The following CRTC1 variants were observed in gnomAD, a reference collection of about 807,000 sequenced individuals.
CRTC1 encodes CREB-regulated transcription coactivator 1.
A neutral mutation model predicts 66.1 loss-of-function variants in CRTC1; 18 were observed. That is an observed-to-expected ratio of 0.27 (90% CI 0.19 to 0.40). The LOEUF (loss-of-function observed/expected upper bound fraction) is 0.40, where lower values mean the gene tolerates loss of function less well. Among genes scored for constraint, CRTC1 ranks in the 10% least tolerant of loss-of-function variants. CRTC1 has a pLI of 1.00. For synonymous variants in CRTC1, 416 were observed against 398.8 expected, an observed-to-expected ratio of 1.04 and a Z score of -0.51; for missense variants, 669 against 887.9, an observed-to-expected ratio of 0.75 and a Z score of 3.13.
intron 1 of CRTC1, among the ~76,000 whole-genome samples, chr19:18,728,041 G>A (rs2145662308): frequency 6.6e-6 from 1 of 152,224 alleles, no homozygotes; most frequent in East Asian, 1.9e-4. Context: ...CTTACTTTCA[G>A]AGCCTCCAGA....
In CRTC1 at chr19:18,760,254, G is replaced by A; in HGVS notation, c.886+26G>A. ...GTAAGGCAGGGACACTCCGCCCTCGGACAGAGCACTGGCTTGTGGAGACAA... is the reference window on the plus strand; with the variant it reads ...GTAAGGCAGGGACACTCCGCCCTCGAACAGAGCACTGGCTTGTGGAGACAA... On this transcript the variant is annotated intron_variant, in intron 8 of 13. Coordinates refer to ENST00000321949, the MANE Select transcript of CRTC1 (RefSeq NM_015321.3). This position sits in a 1 kb window ranked among gnomAD's most constrained non-coding sequence, Gnocchi z 6.2. 6.5e-7 allele frequency: 1 copy of A among 1,534,954 alleles called. No homozygotes were observed. Among genetic ancestry groups the A allele is most frequent in the Non-Finnish European group, 8.8e-7 (1 of 1,133,254 alleles).
At chr19:18,698,068 ACTCAGCAGGTG>A (rs2053035288) in intron 1 of CRTC1, among the ~76,000 whole-genome samples, 1 of 151,304 alleles carries the variant, frequency 6.6e-6, no homozygotes, top group Non-Finnish European at 1.5e-5. Context: ...TGCAGTGTGT[ACTCAGCAGGTG>A]CTCGGCAGGC....
intron 1 of CRTC1, among the ~76,000 whole-genome samples, chr19:18,702,594 C>T (rs1161760200): frequency 6.9e-6 from 1 of 144,326 alleles, no homozygotes; most frequent in Non-Finnish European, 1.5e-5. Context: ...AGTGCAATGG[C>T]ACAATCTTGC....
In CRTC1 at chr19:18,683,687, AGGT is replaced by A; in HGVS notation, c.-13_-11del. On this transcript the variant is annotated 5_prime_UTR_variant, in exon 1 of 14. Transcript: ENST00000321949. ...GTGGAGGAGGAGGAGGAGGAGGAGGAGGTGGCGGCGAGAAGATGGCGACTTCGA... is the reference window on the plus strand; with the variant it reads ...GTGGAGGAGGAGGAGGAGGAGGAGGAGGCGGCGAGAAGATGGCGACTTCGA... The A allele has an allele frequency of 2.2e-6, 3 of 1,360,198 alleles. No individual in the cohort carries two copies. Among genetic ancestry groups the A allele is most frequent in the Non-Finnish European group, 2.9e-6 (3 of 1,028,338 alleles). 84.3% of individuals were successfully genotyped at this position (1,360,198 alleles called of 1,614,324 possible).
chr19:18,742,796 C>T, intron 1 of CRTC1, 114 bp from the exon 2 acceptor site: 1 of 754,466 alleles, frequency 1.3e-6, no homozygotes, highest in Non-Finnish European at 2.3e-6. Context: ...CTGCAAACTT[C>T]TGCACTTAGG....
chr19:18,716,157 G>T (rs1368665907), intron 1 of CRTC1, among the ~76,000 whole-genome samples: 1 of 152,104 alleles, frequency 6.6e-6, no homozygotes, highest in African/African-American at 2.4e-5. Context: ...GAGTGCAGCA[G>T]CCACAGCCCA....
chr19:18,745,986 G>A (rs2054226403), intron 3 of CRTC1, 26 bp downstream of exon 3: 1 of 1,592,092 alleles, frequency 6.3e-7, no homozygotes, highest in Admixed American at 1.7e-5. Context: ...GAGGATGAGG[G>A]TGGGGGCCAG....
At position 18,768,879 on chromosome 19, in the gene CRTC1, C is replaced by T. The variant is rs533118264; in HGVS notation, c.1320+86C>T. The stretch of plus-strand genomic sequence containing the variant: ...GGCTGCAGAACAGTCGGGTTACCTG[C>T]TGCATGGGCCAGGGGTCAGAACCCC... On this transcript the variant is annotated intron_variant, in intron 10 of 13. Coordinates refer to ENST00000321949, the MANE Select transcript of CRTC1 (RefSeq NM_015321.3). This position sits in a 1 kb window ranked among gnomAD's most constrained non-coding sequence, Gnocchi z 5.6. The T allele has an allele frequency of 2.0e-6, 3 of 1,467,296 alleles. No individual in the cohort carries two copies. Among genetic ancestry groups the T allele is most frequent in the Admixed American group, 2.4e-5 (1 of 41,728 alleles). 90.9% of individuals were successfully genotyped at this position (1,467,296 alleles called of 1,614,324 possible). A position where few individuals can be genotyped will look rare whatever the true frequency, so the allele number is the denominator to read the frequency against.
rs199660360 is a variant in CRTC1 at position 18,777,302 on chromosome 19, G to A, written c.1825G>A (p.Gly609Arg). ...CAAGATCGACCCCCTGACCCTCGAC[G>A]GACTGCACATGCTCAACGACCCCGA... is the stretch of plus-strand genomic sequence containing the variant. ...ELKIDPLTLD[G>R]LHMLNDPDMV... The change falls in exon 14 of 14, where the codon GGA (glycine) becomes AGA (arginine). Residue 609 changes from glycine (G) to arginine (R), a missense_variant. Transcript: ENST00000321949. The surrounding 1 kb of genome is among the most constrained non-coding windows in gnomAD (Gnocchi z 5.5). The A allele has an allele frequency of 1.9e-6, 3 of 1,611,974 alleles. No individual in the cohort carries two copies. The highest frequency in any genetic ancestry group is 2.2e-5 in the East Asian group (1 of 44,854).
At chr19:18,685,135 T>C (rs1179687484) in intron 1 of CRTC1, among the ~76,000 whole-genome samples, 1 of 152,172 alleles carries the variant, frequency 6.6e-6, no homozygotes, top group East Asian at 1.9e-4. Flanking sequence ...ACTTTCAGTC[T>C]GTGTTACTTT....
intron 6 of CRTC1, among the ~76,000 whole-genome samples, chr19:18,758,251 G>A (rs927829814): frequency 2.0e-5 from 3 of 148,974 alleles, no homozygotes; most frequent in South Asian, 2.1e-4. Flanking sequence ...TCCCAGCTAC[G>A]CGAGACACTG....
rs1025928656 is a variant in CRTC1 at position 18,777,506 on chromosome 19, G to A, written c.*124G>A. On this transcript the variant is annotated 3_prime_UTR_variant, in exon 14 of 14. Transcript: ENST00000321949. This position sits in a 1 kb window ranked among gnomAD's most constrained non-coding sequence, Gnocchi z 5.5. ...TTCTGAGCTTGCAATGCCGCCAAGCGCCCCCCGCCAGCCCGCCCCCGGTTG... is the reference window on the plus strand; with the variant it reads ...TTCTGAGCTTGCAATGCCGCCAAGCACCCCCCGCCAGCCCGCCCCCGGTTG... The A allele has an allele frequency of 2.4e-5, 22 of 931,092 alleles. No individual in the cohort carries two copies. Among genetic ancestry groups the A allele is most frequent in the Non-Finnish European group, 3.2e-5 (19 of 597,922 alleles). 57.7% of individuals were successfully genotyped at this position (931,092 alleles called of 1,614,324 possible). A position where few individuals can be genotyped will look rare whatever the true frequency, so the allele number is the denominator to read the frequency against.
chr19:18,742,912 C>G lies in CRTC1; in HGVS notation c.129C>G (p.Leu43=), dbSNP rs748463661. Residue 43 remains leucine (L), a splice_region_variant and synonymous_variant, in exon 2 of 14, where the codon CTC becomes CTG. Transcript: ENST00000321949. The part of the protein sequence containing the change: ...KDLSLTRAAR[L]QLQKSQYLQL... ...AGCTGCTGGCTTCTCTCTCGCAGCT[C>G]CAGCTCCAGAAATCCCAGTACCTGC... The G allele has an allele frequency of 5.6e-6, 9 of 1,612,402 alleles. No homozygotes were observed. The Admixed American group carries it at 1.3e-4, about 24-fold the overall frequency.
rs890297376 is a variant in CRTC1, at chr19:18,780,114, G to A, written c.*2732G>A. ...TGAAAATACTGTGATTTGACGAGCC[G>A]CTTCCTGAGGGGCAGGCCCACGTGG... On this transcript the variant is annotated 3_prime_UTR_variant, in exon 14 of 14. Coordinates refer to ENST00000321949, the MANE Select transcript of CRTC1 (RefSeq NM_015321.3). The A allele has an allele frequency of 1.1e-4, 26 of 231,788 alleles. 1 individual carries two copies. The highest frequency in any genetic ancestry group is 4.5e-4 in the Admixed American group (8 of 17,744). The allele number at this position is 231,788 out of a possible 1,614,324, so 14.4% of individuals were successfully genotyped here. A position where few individuals can be genotyped will look rare whatever the true frequency, so the allele number is the denominator to read the frequency against.
chr19:18,727,394 A>G (rs907064820), intron 1 of CRTC1, among the ~76,000 whole-genome samples: 1 of 151,904 alleles, frequency 6.6e-6, no homozygotes, highest in Non-Finnish European at 1.5e-5. Context: ...ATCCTGGCTA[A>G]CACAGTGAAA....
chr19:18,721,418 T>C (rs1375839003), intron 1 of CRTC1, among the ~76,000 whole-genome samples: 3 of 151,606 alleles, frequency 2.0e-5, no homozygotes, highest in Non-Finnish European at 2.9e-5. Context: ...TGGTCTCGAT[T>C]TCCTGACCTT....
At chr19:18,737,378 C>T (rs2054020590) in intron 1 of CRTC1, among the ~76,000 whole-genome samples, 2 of 152,126 alleles carry the variant, frequency 1.3e-5, no homozygotes, top group African/African-American at 4.8e-5. Flanking sequence ...CACGTGCCTC[C>T]ACTGATGCTG....
chr19:18,711,939 A>G (rs569199761), intron 1 of CRTC1, among the ~76,000 whole-genome samples: 2 of 152,246 alleles, frequency 1.3e-5, no homozygotes, highest in South Asian at 2.1e-4. Flanking sequence ...CACATATAAC[A>G]TAAAAATTAG....
At chr19:18,699,605 G>T (rs1035952300) in intron 1 of CRTC1, among the ~76,000 whole-genome samples, 1 of 152,178 alleles carries the variant, frequency 6.6e-6, no homozygotes, top group East Asian at 1.9e-4. Context: ...AGACACCTTG[G>T]AGAGCAGGTC....
Sources: allele counts gnomAD v4.1 joint callset (sites outside exome capture counted in the v4.1 genomes callset), GRCh38; gene constraint gnomAD v4.1.1; non-coding constraint Gnocchi (gnomAD v3.1); transcripts MANE v1.5; gene names NCBI Gene and HGNC (gene_info 2026-07-23, HGNC 2026-07-21).